RIGI: variants seen among roughly 807,000 people sequenced by gnomAD.
The protein encoded by RIGI is antiviral innate immune response receptor RIG-I.
the RIGI span, among the ~76,000 whole-genome samples, chr9:32,464,147 T>C: frequency 1.3e-5 from 2 of 151,832 alleles, no homozygotes; most frequent in African/African-American, 4.8e-5. Context: ...GCCAGTACTC[T>C]GCTCATCCCT....
chr9:32,523,323 T>A, the RIGI span, among the ~76,000 whole-genome samples: 1 of 152,184 alleles, frequency 6.6e-6, no homozygotes, highest in Non-Finnish European at 1.5e-5. Context: ...TCTCCCCAAC[T>A]GTGGACCCTT....
the RIGI span, among the ~76,000 whole-genome samples, chr9:32,490,666 T>G: frequency 6.6e-6 from 1 of 152,202 alleles, no homozygotes; most frequent in Non-Finnish European, 1.5e-5. Context: ...TTATGGCATA[T>G]TATGCAACTT....
the RIGI span, among the ~76,000 whole-genome samples, chr9:32,479,777 C>T: frequency 1.4e-5 from 2 of 148,136 alleles, no homozygotes; most frequent in Admixed American, 1.4e-4. Flanking sequence ...GCAGAGGTTG[C>T]AGTGAGCCAT....
At chr9:32,457,989 G>A in the RIGI span, among the ~76,000 whole-genome samples, 1 of 152,186 alleles carries the variant, frequency 6.6e-6, no homozygotes, top group African/African-American at 2.4e-5. Context: ...AATTGGAGCT[G>A]AAAGGACCTT....
chr9:32,519,039 T>C, the RIGI span, among the ~76,000 whole-genome samples: 2 of 152,172 alleles, frequency 1.3e-5, no homozygotes, highest in Non-Finnish European at 2.9e-5. Context: ...GCACAAAATA[T>C]ATAGTGGTAT....
At chr9:32,457,741 C>T in the RIGI span, among the ~76,000 whole-genome samples, 1 of 152,270 alleles carries the variant, frequency 6.6e-6, no homozygotes, top group Non-Finnish European at 1.5e-5. Flanking sequence ...GCGATGTTTG[C>T]TGAAAATTTG....
the RIGI span, among the ~76,000 whole-genome samples, chr9:32,468,391 C>A: frequency 3.2e-4 from 49 of 152,298 alleles, no homozygotes; most frequent in South Asian, 8.7e-3. Context: ...TCGTGCCAGG[C>A]ATGGTGGTTC....
chr9:32,483,044 T>C, the RIGI span, among the ~76,000 whole-genome samples: 2 of 152,212 alleles, frequency 1.3e-5, no homozygotes, highest in East Asian at 3.9e-4. Flanking sequence ...GTTGCTTGGT[T>C]CAAAGCTGGG....
the RIGI span, among the ~76,000 whole-genome samples, chr9:32,491,652 G>A: frequency 6.8e-6 from 1 of 147,142 alleles, no homozygotes; most frequent in East Asian, 2.0e-4. Context: ...AGTGTGGAAC[G>A]TATTGCCCTA....
chr9:32,467,862 A>G, the RIGI span: 2 of 1,613,820 alleles, frequency 1.2e-6, no homozygotes, highest in African/African-American at 1.3e-5. Flanking sequence ...CTGAGGTGGC[A>G]ATCAGAATAT....
At chr9:32,521,852 A>C in the RIGI span, among the ~76,000 whole-genome samples, 1 of 152,172 alleles carries the variant, frequency 6.6e-6, no homozygotes, top group Non-Finnish European at 1.5e-5. Context: ...CCAACAGAAA[A>C]AAAAATTTCC....
the RIGI span, chr9:32,459,632 C>T: frequency 1.0e-6 from 1 of 963,072 alleles, no homozygotes; most frequent in Non-Finnish European, 1.5e-6. Flanking sequence ...TCATATACAA[C>T]TTCCATGAAC....
the RIGI span, among the ~76,000 whole-genome samples, chr9:32,494,712 A>G: frequency 6.6e-6 from 1 of 152,130 alleles, no homozygotes; most frequent in African/African-American, 2.4e-5. Context: ...GGTAACCACC[A>G]CTCTTTCTGT....
the RIGI span, chr9:32,481,209 A>C: frequency 1.9e-5 from 17 of 889,166 alleles, no homozygotes; most frequent in Admixed American, 2.7e-5. Flanking sequence ...TTGCTTCATA[A>C]GAACTTTCTG....
At chr9:32,490,910 C>G in the RIGI span, among the ~76,000 whole-genome samples, 1 of 152,162 alleles carries the variant, frequency 6.6e-6, no homozygotes, top group Non-Finnish European at 1.5e-5. Context: ...ACTTGCAGGG[C>G]AGCCCAGGGA....
chr9:32,493,681 G>T, the RIGI span: 1 of 953,616 alleles, frequency 1.0e-6, no homozygotes, highest in Non-Finnish European at 1.5e-6. Flanking sequence ...TCTTTCTCAG[G>T]TCTAAAACAG....
At chr9:32,485,505 TTTC>T in the RIGI span, 2 of 632,502 alleles carry the variant, frequency 3.2e-6, no homozygotes, top group South Asian at 1.7e-5. Flanking sequence ...AACACCTGTC[TTTC>T]ATGGTGTAGG....
At chr9:32,460,556 C>T in the RIGI span, among the ~76,000 whole-genome samples, 2 of 152,100 alleles carry the variant, frequency 1.3e-5, no homozygotes, top group Middle Eastern at 3.4e-3. Context: ...AAAGATGCTT[C>T]GATGGGCAAT....
the RIGI span, among the ~76,000 whole-genome samples, chr9:32,506,960 G>A: frequency 1.4e-3 from 209 of 152,226 alleles, no homozygotes; most frequent in African/African-American, 4.8e-3. Context: ...GCTGATTGCC[G>A]TGCTTACTTT....
Sources: allele counts gnomAD v4.1 joint callset (sites outside exome capture counted in the v4.1 genomes callset), GRCh38; gene constraint gnomAD v4.1.1; transcripts MANE v1.5; gene names NCBI Gene and HGNC (gene_info 2026-07-23, HGNC 2026-07-21).